Variants in ATP8A2 observed in about 807,000 individuals in gnomAD.
ATP8A2 encodes the protein ATPase phospholipid transporting 8A2.
In ATP8A2, 100 loss-of-function variants were observed where a neutral mutation model predicts 165.6. The observed-to-expected ratio is 0.60, with a 90% CI of 0.51 to 0.71. The LOEUF (loss-of-function observed/expected upper bound fraction) is 0.71. Among genes scored for constraint, ATP8A2 ranks in the 30% least tolerant of loss-of-function variants. The probability of loss-of-function intolerance (pLI) is 0.00; values close to 1 mark genes in which losing one functional copy is unlikely to be tolerated. For synonymous variants in ATP8A2, 543 were observed against 548.8 expected (o/e 0.99, Z 0.15); for missense variants, 1,227 against 1,479.5 (o/e 0.83, Z 2.80).
intron 25 of ATP8A2, among the ~76,000 whole-genome samples, chr13:25,747,171 G>C (rs1397930467): frequency 6.6e-6 from 1 of 152,150 alleles, no homozygotes; most frequent in South Asian, 2.1e-4. Context: ...CTGGAAGGAG[G>C]GATCAGTAGA....
chr13:25,938,870 TCTCA>T (rs1213193270), intron 33 of ATP8A2, among the ~76,000 whole-genome samples: 1 of 150,808 alleles, frequency 6.6e-6, no homozygotes, highest in Non-Finnish European at 1.5e-5. Flanking sequence ...TGAAATGAAG[TCTCA>T]CTCTATCCCC....
intron 2 of ATP8A2, among the ~76,000 whole-genome samples, chr13:25,480,422 T>A (rs1164552872): frequency 1.1e-4 from 13 of 123,536 alleles, no homozygotes; most frequent in Non-Finnish European, 2.2e-4. Context: ...AGGCGGAGAG[T>A]CTCCTCCCTT....
chr13:25,585,049 T>C (rs2039882730), intron 23 of ATP8A2, among the ~76,000 whole-genome samples: 1 of 152,172 alleles, frequency 6.6e-6, no homozygotes, highest in South Asian at 2.1e-4. Flanking sequence ...ATTCATACCT[T>C]AGAAAAAAAA....
chr13:25,693,663 ATC>A lies in ATP8A2; in HGVS notation c.2212-5504_2212-5503del, dbSNP rs1214033953. 6.6e-5 allele frequency among the ~76,000 whole-genome samples: 5 copies of A among 75,904 alleles called. No individual in the cohort carries two copies. In the Admixed American group the frequency reaches 8.0e-4, roughly 12 times the overall value. 49.8% of individuals were successfully genotyped at this position (75,904 alleles called of 152,430 possible). ...GAGGTCAGAGAGAGACATCCCTCAG[ATC>A]TCTCTGTCTCTCTCTCTCTCTCTGT... On this transcript the variant is annotated intron_variant, in intron 24 of 36. Transcript: ENST00000381655.
intron 1 of ATP8A2, among the ~76,000 whole-genome samples, chr13:25,438,794 T>C (rs566939148): frequency 4.6e-5 from 7 of 152,360 alleles, no homozygotes; most frequent in African/African-American, 7.2e-5. Flanking sequence ...ACTTGTTTTA[T>C]TTCATTTCAC....
At chr13:25,992,204 C>T (rs1340798494) in intron 35 of ATP8A2, among the ~76,000 whole-genome samples, 3 of 147,684 alleles carry the variant, frequency 2.0e-5, no homozygotes, top group African/African-American at 7.5e-5. Flanking sequence ...TCCTTGCCAG[C>T]ATTCAGTGCT....
At chr13:25,899,928 C>A (rs142289330) in intron 33 of ATP8A2, among the ~76,000 whole-genome samples, 1 of 151,554 alleles carries the variant, frequency 6.6e-6, no homozygotes, top group Non-Finnish European at 1.5e-5. Context: ...GGGAGTCCAG[C>A]TGGGTGATGG....
At chr13:25,955,524 A>G (rs1955498071) in intron 33 of ATP8A2, among the ~76,000 whole-genome samples, 1 of 152,256 alleles carries the variant, frequency 6.6e-6, no homozygotes, top group African/African-American at 2.4e-5. Flanking sequence ...TAGAAAATCT[A>G]GAAGAAATGG....
chr13:25,520,308 A>G (rs1010592963), intron 2 of ATP8A2, among the ~76,000 whole-genome samples: 2 of 152,176 alleles, frequency 1.3e-5, no homozygotes, highest in African/African-American at 2.4e-5. Context: ...ACTTAATATA[A>G]TGACCTCCAG....
chr13:25,434,670 T>C (rs889574259), intron 1 of ATP8A2, among the ~76,000 whole-genome samples: 4 of 152,192 alleles, frequency 2.6e-5, no homozygotes, highest in African/African-American at 9.6e-5. Context: ...TCAAGCACAG[T>C]AGCTGCCCCA....
intron 1 of ATP8A2, among the ~76,000 whole-genome samples, chr13:25,426,696 A>G (rs1331961366): frequency 6.6e-6 from 1 of 152,058 alleles, no homozygotes. Flanking sequence ...TAATCCCAGT[A>G]CTTTGGGAGG....
At chr13:25,465,714 T>TCTTTCTTTCTTTC (rs2035632510) in intron 1 of ATP8A2, among the ~76,000 whole-genome samples, 5 of 56,254 alleles carry the variant, frequency 8.9e-5, no homozygotes, top group Non-Finnish European at 1.6e-4. Context: ...TTTCTTTCTT[T>TCTTTCTTTCTTTC]CTTTCTTTCT....
At chr13:25,667,124 G>A (rs754256525) in intron 24 of ATP8A2, among the ~76,000 whole-genome samples, 18 of 152,148 alleles carry the variant, frequency 1.2e-4, no homozygotes, top group Non-Finnish European at 2.2e-4. Context: ...TTAAAATCCT[G>A]TATCCATTAA....
At chr13:25,906,189 G>T (rs958052518) in intron 33 of ATP8A2, among the ~76,000 whole-genome samples, 1 of 151,746 alleles carries the variant, frequency 6.6e-6, no homozygotes, top group Admixed American at 6.6e-5. Context: ...GATCATCTCT[G>T]TATTCCTCCC....
At chr13:25,394,226 G>T (rs951553295) in intron 1 of ATP8A2, among the ~76,000 whole-genome samples, 5 of 152,172 alleles carry the variant, frequency 3.3e-5, no homozygotes, top group Admixed American at 6.5e-5. Context: ...GATTAGACAT[G>T]TCTGCCTGTT....
At chr13:25,814,450 C>T (rs1333248801) in intron 27 of ATP8A2, among the ~76,000 whole-genome samples, 3 of 151,850 alleles carry the variant, frequency 2.0e-5, no homozygotes, top group Admixed American at 2.0e-4. Flanking sequence ...GTTTGGAGGA[C>T]TCAACATTTC....
At chr13:25,427,050 G>C (rs114352547) in intron 1 of ATP8A2, among the ~76,000 whole-genome samples, 3,338 of 152,256 alleles carry the variant, frequency 0.022, 126 homozygotes, top group African/African-American at 0.075. Context: ...AAAGCCAGAG[G>C]GGGTGTGAGA....
intron 1 of ATP8A2, among the ~76,000 whole-genome samples, chr13:25,465,695 CT>C (rs1455031181): frequency 2.2e-4 from 4 of 17,888 alleles, no homozygotes; most frequent in African/African-American, 5.7e-4. Flanking sequence ...TTCTTTCTTT[CT>C]TTCTTTCTTT....
chr13:25,673,496 C>T (rs1179287184), intron 24 of ATP8A2, among the ~76,000 whole-genome samples: 2 of 152,200 alleles, frequency 1.3e-5, no homozygotes, highest in Non-Finnish European at 2.9e-5. Flanking sequence ...AGAAGTCAAA[C>T]ATATTTTAAC....
Sources: allele counts gnomAD v4.1 joint callset (sites outside exome capture counted in the v4.1 genomes callset), GRCh38; gene constraint gnomAD v4.1.1; transcripts MANE v1.5; gene names NCBI Gene and HGNC (gene_info 2026-07-23, HGNC 2026-07-21).